The following SYNE2 variants were observed in gnomAD, a reference collection of about 807,000 sequenced individuals.
SYNE2 encodes the protein spectrin repeat containing nuclear envelope protein 2.
Under a neutral mutation model 856.3 loss-of-function variants are expected in SYNE2, and 431 were observed. That is an observed-to-expected ratio of 0.50 (90% CI 0.47 to 0.55). The LOEUF is 0.55. Among genes scored for constraint, SYNE2 ranks in the 20% least tolerant of loss-of-function variants. SYNE2 has a pLI of 0.00. For synonymous variants in SYNE2, 2,923 were observed against 2,872.3 expected, an observed-to-expected ratio of 1.02 and a Z score of -0.56; for missense variants, 8,129 against 8,023.2, an observed-to-expected ratio of 1.01 and a Z score of -0.50.
chr14:64,075,690 G>C (rs1389102817), intron 53 of SYNE2: 4 of 447,204 alleles, frequency 8.9e-6, no homozygotes, highest in Non-Finnish European at 4.1e-6. Context: ...GAAGCAGGGG[G>C]TGTTGTAATG....
chr14:64,167,026 G>A (rs189342286), intron 90 of SYNE2: 35 of 606,580 alleles, frequency 5.8e-5, no homozygotes, highest in East Asian at 5.4e-4. Context: ...GGTGCTGGCC[G>A]TGTTGCAGGT....
intron 85 of SYNE2, among the ~76,000 whole-genome samples, chr14:64,156,722 G>A (rs1803367224): frequency 6.6e-6 from 1 of 151,918 alleles, no homozygotes; most frequent in African/African-American, 2.4e-5. Flanking sequence ...GCCTCCCAAA[G>A]TGCTGGGATT....
rs776776711 is a variant in SYNE2, at chr14:64,162,271, A to T, written c.16294A>T (p.Ile5432Leu). ...GATCCTGCCCCCAGCCCTGCAGGAC[A>T]TAAAGGTGGGTACAAAGCCCATTTG... Reference protein sequence around the residue: ...AEILPPALQDIKELQHDVQKT... With the variant: ...AEILPPALQDLKELQHDVQKT... Residue 5432 changes from isoleucine to leucine, a missense_variant, in exon 88 of 116, where the codon ATA (isoleucine) becomes TTA (leucine). Transcript: ENST00000555002. 10 of 1,614,178 alleles carry T rather than the reference A, an allele frequency of 6.2e-6. No homozygotes were observed. In the South Asian group the frequency reaches 1.1e-4, roughly 18 times the overall value.
At chr14:64,100,531 AATATATATATATATATATATATAT>A (rs1204839640) in intron 63 of SYNE2, among the ~76,000 whole-genome samples, 2 of 39,496 alleles carry the variant, frequency 5.1e-5, no homozygotes, top group Non-Finnish European at 9.3e-5. Flanking sequence ...AAAAAAAAAA[AATATATATATATATATATATATAT>A]ATATATATAT....
intron 99 of SYNE2, among the ~76,000 whole-genome samples, chr14:64,195,036 G>T (rs1285024528): frequency 1.3e-5 from 2 of 152,152 alleles, no homozygotes; most frequent in African/African-American, 2.4e-5. Context: ...AGACACAGGT[G>T]GGGCTGTGTC....
intron 1 of SYNE2, among the ~76,000 whole-genome samples, chr14:63,901,894 C>T (rs2095341913): frequency 1.3e-5 from 2 of 152,152 alleles, no homozygotes; most frequent in African/African-American, 2.4e-5. Context: ...CACTGTACTC[C>T]AGCCTGGGTG....
At chr14:64,155,944 A>G (rs2098281961) in intron 85 of SYNE2, among the ~76,000 whole-genome samples, 2 of 152,116 alleles carry the variant, frequency 1.3e-5, no homozygotes, top group South Asian at 4.2e-4. Context: ...ACCATTTTTG[A>G]TCTGTATCTT....
chr14:64,037,809 A>G (rs2097105865), intron 45 of SYNE2, among the ~76,000 whole-genome samples: 1 of 138,812 alleles, frequency 7.2e-6, no homozygotes, highest in African/African-American at 2.7e-5. Context: ...GGCGCCCCTC[A>G]CCTCCCGGAC....
At chr14:63,950,632 G>A (rs1164598717) in intron 7 of SYNE2, among the ~76,000 whole-genome samples, 3 of 152,130 alleles carry the variant, frequency 2.0e-5, no homozygotes, top group South Asian at 2.1e-4. Flanking sequence ...GTTTAGAAAC[G>A]TAGCTCAATT....
At chr14:63,766,346 C>T (rs1376170233) in intron 1 of SYNE2, among the ~76,000 whole-genome samples, 1 of 152,130 alleles carries the variant, frequency 6.6e-6, no homozygotes, top group African/African-American at 2.4e-5. Flanking sequence ...TCCCAAAGTG[C>T]TGGGATTGCA....
intron 19 of SYNE2, among the ~76,000 whole-genome samples, chr14:63,988,165 C>T (rs960338261): frequency 1.3e-5 from 2 of 152,180 alleles, no homozygotes; most frequent in Admixed American, 6.5e-5. Flanking sequence ...CTCACTCGAC[C>T]TCCCCAGGTT....
chr14:64,075,756 A>C, intron 53 of SYNE2, 189 bp from the exon 54 acceptor site: 2 of 593,760 alleles, frequency 3.4e-6, no homozygotes, highest in East Asian at 3.0e-5. Context: ...AATTCTTACA[A>C]ATTAGAAAGC....
rs34393543 is a variant in SYNE2, at chr14:64,049,702, T to G, written c.7469T>G (p.Val2490Gly). Reference protein sequence around the residue: ...CLNKTETGALVLHNIGYSAQH... With the variant: ...CLNKTETGALGLHNIGYSAQH... ...AACAAAACAGAAACTGGGGCCTTGG[T>G]TCTCCACAATATAGGATATTCGGCA... is the stretch of plus-strand genomic sequence containing the variant. Residue 2490 changes from valine (V) to glycine (G), a missense_variant, in exon 47 of 116, where the codon GTT becomes GGT. By Grantham distance (109) the Val-to-Gly change is moderately radical. This residue lies in a region of SYNE2 where 5,410 missense variants were observed against 5,284.8 expected (regional missense o/e 1.02). Coordinates refer to ENST00000555002, the MANE Select transcript of SYNE2 (RefSeq NM_182914.3). 6.7e-4 allele frequency: 1,087 copies of G among 1,614,194 alleles called. 4 individuals carry two copies. In the African/African-American group the frequency reaches 0.013, roughly 19 times the overall value.
At chr14:63,911,709 A>G (rs752701811) in intron 2 of SYNE2, among the ~76,000 whole-genome samples, 3 of 152,198 alleles carry the variant, frequency 2.0e-5, no homozygotes, top group Admixed American at 1.3e-4. Context: ...TTCCTTAACA[A>G]CTTTCACTGG....
At chr14:64,188,423 A>G in intron 97 of SYNE2, 127 bp from the exon 98 acceptor site, 1 of 1,073,844 alleles carries the variant, frequency 9.3e-7, no homozygotes, top group Non-Finnish European at 1.4e-6. Flanking sequence ...AGAAGAGGCA[A>G]AACCAGACAA....
chr14:63,838,525 GT>G (rs201838911), intron 1 of SYNE2, among the ~76,000 whole-genome samples: 5 of 150,678 alleles, frequency 3.3e-5, no homozygotes, highest in Admixed American at 6.7e-5. Flanking sequence ...ATTTACTGTT[GT>G]TTTTTTTTAA....
chr14:64,147,178 C>T (rs2098195085), intron 84 of SYNE2, among the ~76,000 whole-genome samples: 1 of 152,118 alleles, frequency 6.6e-6, no homozygotes, highest in Admixed American at 6.5e-5. Flanking sequence ...TACAGTTTCT[C>T]ATTAGGTGCT....
chr14:64,145,873 A>AT (rs2098181074), intron 83 of SYNE2, among the ~76,000 whole-genome samples, 195 bp from the exon 84 acceptor site: 1 of 152,120 alleles, frequency 6.6e-6, no homozygotes, highest in South Asian at 2.1e-4. Flanking sequence ...TAAATATGAT[A>AT]TTTTTTTCCT....
chr14:63,934,707 C>T (rs1391344698), intron 2 of SYNE2, among the ~76,000 whole-genome samples: 1 of 152,032 alleles, frequency 6.6e-6, no homozygotes, highest in Non-Finnish European at 1.5e-5. Context: ...TGCCATAACT[C>T]CCCTCAAGTC....
Sources: gnomAD v4.1 joint callset for allele counts (sites outside exome capture counted in the v4.1 genomes callset) on GRCh38, gnomAD v4.1.1 for gene constraint, gnomAD v4.1.1 regional missense constraint, MANE v1.5 for transcripts, NCBI Gene and HGNC (gene_info 2026-07-23, HGNC 2026-07-21) for gene names.